The following SLC71A2 variants were observed in gnomAD, a reference collection of about 807,000 sequenced individuals.
SLC71A2 encodes hippocampus abundant transcript-like 1.
At chr9:94,374,998 G>T in the SLC71A2 span, 2 of 1,099,054 alleles carry the variant, frequency 1.8e-6, no homozygotes. Flanking sequence ...CAGGGCCCGC[G>T]AGCCCGCCGC....
At chr9:94,422,823 G>A in the SLC71A2 span, among the ~76,000 whole-genome samples, 1 of 152,018 alleles carries the variant, frequency 6.6e-6, no homozygotes, top group Non-Finnish European at 1.5e-5. Context: ...CTTATTTGTA[G>A]GAGTTCTTTA....
At chr9:94,402,558 T>C in the SLC71A2 span, among the ~76,000 whole-genome samples, 1 of 152,222 alleles carries the variant, frequency 6.6e-6, no homozygotes, top group African/African-American at 2.4e-5. Flanking sequence ...ATTGGGTTGT[T>C]GTATTAGTGA....
At chr9:94,406,066 A>ATTTTTTTT in the SLC71A2 span, among the ~76,000 whole-genome samples, 331 of 63,592 alleles carry the variant, frequency 5.2e-3, 20 homozygotes, top group East Asian at 0.011. Context: ...TGCAACTTGA[A>ATTTTTTTT]TTTTTTTTTT....
the SLC71A2 span, among the ~76,000 whole-genome samples, chr9:94,388,456 A>G: frequency 2.8e-3 from 429 of 152,356 alleles, 1 homozygote; most frequent in Non-Finnish European, 4.4e-3. Flanking sequence ...GTATATTTGT[A>G]AGATATGTAT....
chr9:94,402,300 A>G, the SLC71A2 span, among the ~76,000 whole-genome samples: 4,751 of 151,958 alleles, frequency 0.031, 255 homozygotes, highest in African/African-American at 0.11. Context: ...TATTCCAGAG[A>G]CAGAAAAAGA....
chr9:94,459,075 GTGTT>G, the SLC71A2 span: 4 of 1,372,986 alleles, frequency 2.9e-6, no homozygotes, highest in Non-Finnish European at 4.0e-6. Flanking sequence ...TTTTGGTGGT[GTGTT>G]TTTTTTGGGT....
chr9:94,452,178 A>G, the SLC71A2 span, among the ~76,000 whole-genome samples: 1 of 152,232 alleles, frequency 6.6e-6, no homozygotes, highest in Admixed American at 6.5e-5. Context: ...TCAACTAGGA[A>G]AATGGTTCAG....
the SLC71A2 span, among the ~76,000 whole-genome samples, chr9:94,410,922 C>T: frequency 0.033 from 4,984 of 152,274 alleles, 265 homozygotes; most frequent in African/African-American, 0.11. Flanking sequence ...CTTGCCATCA[C>T]GCCTGGCCAA....
At chr9:94,386,785 C>T in the SLC71A2 span, among the ~76,000 whole-genome samples, 2 of 152,234 alleles carry the variant, frequency 1.3e-5, no homozygotes. Context: ...GGATCTCTGT[C>T]CTTTATTGCC....
chr9:94,431,431 T>C, the SLC71A2 span, among the ~76,000 whole-genome samples: 1 of 151,658 alleles, frequency 6.6e-6, no homozygotes, highest in African/African-American at 2.4e-5. Flanking sequence ...TAATAAATCA[T>C]ATTTATTATT....
the SLC71A2 span, among the ~76,000 whole-genome samples, chr9:94,399,246 T>G: frequency 3.9e-5 from 6 of 152,322 alleles, no homozygotes; most frequent in African/African-American, 1.4e-4. Context: ...TCCACGCTCC[T>G]CTTACATATT....
chr9:94,448,595 G>A, the SLC71A2 span, among the ~76,000 whole-genome samples: 9 of 152,162 alleles, frequency 5.9e-5, no homozygotes, highest in Admixed American at 5.9e-4. Context: ...CTGAGGGTAT[G>A]GGACTAATAT....
the SLC71A2 span, among the ~76,000 whole-genome samples, chr9:94,449,722 G>GTA: frequency 1.3e-5 from 2 of 152,058 alleles, no homozygotes; most frequent in Non-Finnish European, 2.9e-5. Flanking sequence ...ATACTCCTAG[G>GTA]TATATATACC....
the SLC71A2 span, among the ~76,000 whole-genome samples, chr9:94,397,104 C>T: frequency 2.6e-5 from 4 of 152,018 alleles, no homozygotes; most frequent in Non-Finnish European, 5.9e-5. Flanking sequence ...TTCCTCTGTC[C>T]CTTTCTTTTT....
At chr9:94,460,057 G>A in the SLC71A2 span, 2 of 152,352 alleles carry the variant, frequency 1.3e-5, no homozygotes, top group African/African-American at 4.8e-5. Flanking sequence ...ACCTTTACTA[G>A]ATGAAAGAAA....
At chr9:94,455,553 CTTG>C in the SLC71A2 span, among the ~76,000 whole-genome samples, 1 of 152,014 alleles carries the variant, frequency 6.6e-6, no homozygotes, top group Non-Finnish European at 1.5e-5. Context: ...CTTGATTCTC[CTTG>C]TTCTTTTTGA....
At chr9:94,400,008 C>T in the SLC71A2 span, among the ~76,000 whole-genome samples, 4 of 151,836 alleles carry the variant, frequency 2.6e-5, no homozygotes, top group African/African-American at 7.3e-5. Context: ...GGGAGGTTTC[C>T]CCATGTTGGC....
the SLC71A2 span, among the ~76,000 whole-genome samples, chr9:94,417,284 TG>T: frequency 6.6e-6 from 1 of 152,186 alleles, no homozygotes; most frequent in Non-Finnish European, 1.5e-5. Flanking sequence ...TTCATTATGT[TG>T]GGTATCTGTG....
chr9:94,444,124 C>T, the SLC71A2 span, among the ~76,000 whole-genome samples: 1 of 152,090 alleles, frequency 6.6e-6, no homozygotes, highest in Non-Finnish European at 1.5e-5. Flanking sequence ...GTTTAAAAAG[C>T]TAACTTATAG....
Sources: allele counts gnomAD v4.1 joint callset (sites outside exome capture counted in the v4.1 genomes callset), GRCh38; gene constraint gnomAD v4.1.1; transcripts MANE v1.5; gene names NCBI Gene and HGNC (gene_info 2026-07-23, HGNC 2026-07-21).